MARCHF1: variants seen among roughly 807,000 people sequenced by gnomAD.
The protein encoded by MARCHF1 is E3 ubiquitin-protein ligase MARCHF1.
Under a neutral mutation model 54.2 loss-of-function variants are expected in MARCHF1, and 40 were observed. The ratio of observed to expected loss-of-function variants is 0.74; its 90% CI spans 0.57 to 0.96. MARCHF1 has a LOEUF of 0.96. Ranked by LOEUF, MARCHF1 falls within the 40% of genes least tolerant of loss-of-function variation. The pLI, the probability that MARCHF1 is intolerant of heterozygous loss-of-function variation, is 0.00. For missense variants in MARCHF1, 586 were observed against 656.5 expected (o/e 0.89, Z 1.17); for synonymous variants, 236 against 236.3 (o/e 1.00, Z 0.01).
chr4:163,767,375 C>A (rs948132371), intron 4 of MARCHF1, among the ~76,000 whole-genome samples: 1 of 151,914 alleles, frequency 6.6e-6, no homozygotes, highest in South Asian at 2.1e-4. Context: ...CGCTCGTCGC[C>A]CAGGCTGGAG....
In MARCHF1 at chr4:163,533,813, G is replaced by A. The variant is rs529320138; in HGVS notation, c.1340-4767C>T. 2.0e-5 allele frequency among the ~76,000 whole-genome samples: 3 copies of A among 151,512 alleles called. No individual in the cohort carries two copies. In the South Asian group the frequency reaches 6.3e-4, roughly 32 times the overall value. ...GGGTTTGTGAGCATTTAGGTATTTGGAAATTGGTAATGTATGCATGATATA... is the reference window on the plus strand; with the variant it reads ...GGGTTTGTGAGCATTTAGGTATTTGAAAATTGGTAATGTATGCATGATATA... On this transcript the variant is annotated intron_variant, in intron 9 of 9. Coordinates refer to ENST00000514618, the MANE Select transcript of MARCHF1 (RefSeq NM_001394959.1).
At chr4:163,852,559 A>C (rs1421109514) in intron 4 of MARCHF1, among the ~76,000 whole-genome samples, 1 of 152,192 alleles carries the variant, frequency 6.6e-6, no homozygotes. Flanking sequence ...GAGTGAGACG[A>C]GATAATGCAG....
At chr4:163,746,169 C>A (rs1448499159) in intron 4 of MARCHF1, among the ~76,000 whole-genome samples, 1 of 152,230 alleles carries the variant, frequency 6.6e-6, no homozygotes. Context: ...CCTATTCTTT[C>A]TTCCCTTCCT....
chr4:163,555,144 A>G (rs1739241337), intron 8 of MARCHF1, among the ~76,000 whole-genome samples: 1 of 152,228 alleles, frequency 6.6e-6, no homozygotes. Flanking sequence ...GAGGGTAGAT[A>G]TAATATGTGG....
intron 1 of MARCHF1, among the ~76,000 whole-genome samples, chr4:164,226,105 G>A (rs1713993907): frequency 6.6e-6 from 1 of 151,776 alleles, no homozygotes; most frequent in Admixed American, 6.6e-5. Flanking sequence ...TCTCCTTGGA[G>A]AACATCTGAT....
At chr4:163,929,416 A>G (rs997556636) in intron 3 of MARCHF1, among the ~76,000 whole-genome samples, 3 of 152,100 alleles carry the variant, frequency 2.0e-5, no homozygotes, top group African/African-American at 7.2e-5. Flanking sequence ...CTACAGTTGT[A>G]TGTACTCAAA....
chr4:164,318,002 C>A lies in MARCHF1; in HGVS notation c.-323+65868G>T, dbSNP rs142428243. ...TTGGTAACCAGTGCAGACTTGAGAT[C>A]CTGATTGCTTGGATCTCAATCCTGG... On this transcript the variant is annotated intron_variant, in intron 1 of 9. Transcript: ENST00000514618. 2.6e-3 allele frequency among the ~76,000 whole-genome samples: 394 copies of A among 152,230 alleles called. 8 individuals carry two copies. The highest frequency in any genetic ancestry group is 4.9e-4 in the Non-Finnish European group (33 of 68,010).
chr4:164,324,634 T>G (rs1735226092), intron 1 of MARCHF1, among the ~76,000 whole-genome samples: 1 of 151,406 alleles, frequency 6.6e-6, no homozygotes, highest in Admixed American at 6.6e-5. Context: ...GTGAAAAACT[T>G]CTGCTTATAA....
intron 2 of MARCHF1, among the ~76,000 whole-genome samples, chr4:164,044,525 G>T (rs929839432): frequency 6.6e-6 from 1 of 152,026 alleles, no homozygotes; most frequent in Non-Finnish European, 1.5e-5. Context: ...CTTCCAATTC[G>T]ACATGAGATT....
chr4:163,909,312 C>T (rs925800712), intron 3 of MARCHF1, among the ~76,000 whole-genome samples: 9 of 152,102 alleles, frequency 5.9e-5, no homozygotes, highest in Admixed American at 1.3e-4. Context: ...TCCAGGATTC[C>T]GATTTCAGAA....
chr4:163,623,236 G>GT (rs1741748360), intron 5 of MARCHF1, among the ~76,000 whole-genome samples: 1 of 152,142 alleles, frequency 6.6e-6, no homozygotes, highest in Non-Finnish European at 1.5e-5. Context: ...ATCTCCCTGG[G>GT]TAATGACTAG....
At chr4:164,339,653 C>T (rs899952742) in intron 1 of MARCHF1, among the ~76,000 whole-genome samples, 1 of 152,100 alleles carries the variant, frequency 6.6e-6, no homozygotes, top group Non-Finnish European at 1.5e-5. Context: ...AACTTCACAC[C>T]TTCAGGAATT....
intron 4 of MARCHF1, among the ~76,000 whole-genome samples, chr4:163,706,284 T>C (rs1744947461): frequency 6.6e-6 from 1 of 152,070 alleles, no homozygotes; most frequent in South Asian, 2.1e-4. Flanking sequence ...TCAAAGATGG[T>C]AGAGCTGAAT....
intron 1 of MARCHF1, among the ~76,000 whole-genome samples, chr4:164,332,188 A>G (rs2110807759): frequency 6.6e-6 from 1 of 152,240 alleles, no homozygotes; most frequent in East Asian, 1.9e-4. Context: ...GGTCTTTTTT[A>G]TTTGTCACTT....
intron 3 of MARCHF1, among the ~76,000 whole-genome samples, chr4:163,860,550 TG>T (rs1374595302): frequency 1.3e-5 from 2 of 152,140 alleles, no homozygotes; most frequent in Non-Finnish European, 2.9e-5. Flanking sequence ...GCCCTGCCTA[TG>T]GTGGGGAGGG....
At chr4:163,778,355 A>G (rs1747364728) in intron 4 of MARCHF1, among the ~76,000 whole-genome samples, 1 of 152,208 alleles carries the variant, frequency 6.6e-6, no homozygotes, top group Non-Finnish European at 1.5e-5. Flanking sequence ...GTTGCTTCAC[A>G]TGACTAATAT....
At chr4:163,718,230 G>A (rs1745326451) in intron 4 of MARCHF1, among the ~76,000 whole-genome samples, 1 of 152,118 alleles carries the variant, frequency 6.6e-6, no homozygotes, top group Non-Finnish European at 1.5e-5. Context: ...TACCATTCAG[G>A]ACATAGGCGT....
At chr4:164,233,633 T>C (rs141715664) in intron 1 of MARCHF1, among the ~76,000 whole-genome samples, 36 of 152,224 alleles carry the variant, frequency 2.4e-4, no homozygotes, top group African/African-American at 6.5e-4. Context: ...CTTGAGTAGA[T>C]TGTCTCCCCA....
At chr4:163,991,388 G>T (rs886652871) in intron 2 of MARCHF1, among the ~76,000 whole-genome samples, 1 of 152,086 alleles carries the variant, frequency 6.6e-6, no homozygotes, top group Non-Finnish European at 1.5e-5. Context: ...ATACACATCA[G>T]CTAATATCAA....
Sources: allele counts gnomAD v4.1 joint callset (sites outside exome capture counted in the v4.1 genomes callset), GRCh38; gene constraint gnomAD v4.1.1; transcripts MANE v1.5; gene names NCBI Gene and HGNC (gene_info 2026-07-23, HGNC 2026-07-21).